FUT8: variants seen among roughly 807,000 people sequenced by gnomAD.
The protein encoded by FUT8 is alpha-(1,6)-fucosyltransferase.
In FUT8, 29 loss-of-function variants were observed where a neutral mutation model predicts 71.3. The observed-to-expected ratio is 0.41, with a 90% CI of 0.30 to 0.55. FUT8 has a LOEUF of 0.55. FUT8 is among the 20% of genes least tolerant of loss of function. FUT8 has a pLI of 0.34. For synonymous variants in FUT8, 254 were observed against 239.3 expected (o/e 1.06, Z -0.57); for missense variants, 544 against 702.1 (o/e 0.77, Z 2.55).
At chr14:65,699,332 A>G (rs1055259049) in intron 7 of FUT8, among the ~76,000 whole-genome samples, 1 of 152,172 alleles carries the variant, frequency 6.6e-6, no homozygotes, top group Non-Finnish European at 1.5e-5. Flanking sequence ...CCAACTCTGG[A>G]GTCTGACTGG....
chr14:65,721,883 G>A lies in FUT8; in HGVS notation c.944G>A (p.Arg315Gln), dbSNP rs976049303. 8 of 1,614,018 alleles carry A rather than the reference G, an allele frequency of 5.0e-6. No individual in the cohort carries two copies. Among genetic ancestry groups the A allele is most frequent in the South Asian group, 2.2e-5 (2 of 91,066 alleles). ...GCTGTACCAGAAGACCTCGCAGATC[G>A]ACTTGTACGAGTGCATGGTGACCCT... Reference protein sequence around the residue: ...PLAVPEDLADRLVRVHGDPAV... With the variant: ...PLAVPEDLADQLVRVHGDPAV... Residue 315 changes from arginine to glutamine, a missense_variant, in exon 8 of 11, where the codon CGA becomes CAA. Coordinates refer to ENST00000673929, the MANE Select transcript of FUT8 (RefSeq NM_001371533.1).
intron 7 of FUT8, among the ~76,000 whole-genome samples, chr14:65,690,726 CTTT>C (rs1010902970): frequency 3.5e-5 from 5 of 141,662 alleles, no homozygotes; most frequent in Admixed American, 7.0e-5. Flanking sequence ...AAACATTTGA[CTTT>C]TTTTTTTTTT....
chr14:65,359,532 A>G, the FUT8 span, among the ~76,000 whole-genome samples: 1 of 151,964 alleles, frequency 6.6e-6, no homozygotes, highest in East Asian at 1.9e-4. Flanking sequence ...GGCAACCGCT[A>G]TTCTACTTTT....
intron 6 of FUT8, among the ~76,000 whole-genome samples, chr14:65,665,980 T>C (rs980348306): frequency 2.0e-5 from 3 of 151,832 alleles, no homozygotes; most frequent in Admixed American, 2.0e-4. Context: ...AACTAATGAG[T>C]ACTAGACTTA....
intron 3 of FUT8, among the ~76,000 whole-genome samples, chr14:65,576,492 C>G (rs1223994141): frequency 1.3e-5 from 2 of 151,856 alleles, no homozygotes; most frequent in Non-Finnish European, 2.9e-5. Flanking sequence ...TATTCTTAGG[C>G]TCTTGTTTTA....
chr14:65,656,546 G>A (rs1891689923), intron 6 of FUT8, among the ~76,000 whole-genome samples: 1 of 152,130 alleles, frequency 6.6e-6, no homozygotes, highest in South Asian at 2.1e-4. Flanking sequence ...TTGTTAAAAT[G>A]TTTATACTAT....
rs1253791682 is a variant in FUT8 at position 65,603,665 on chromosome 14, A to G, written c.204-12313A>G. Among the ~76,000 whole-genome samples, 3 of 151,722 alleles carry G rather than the reference A, an allele frequency of 2.0e-5. 1 individual carries two copies. Among genetic ancestry groups the G allele is most frequent in the Non-Finnish European group, 4.4e-5 (3 of 67,880 alleles). ...GGTTAATCTTGCTAATGCTCTATCA[A>G]TTTTATTTATCTTTTCAAAAGAACA... On this transcript the variant is annotated intron_variant, in intron 3 of 10. Coordinates refer to ENST00000673929, the MANE Select transcript of FUT8 (RefSeq NM_001371533.1). The surrounding 1 kb of genome is among the most constrained non-coding windows in gnomAD (Gnocchi z 4.5).
intron 6 of FUT8, among the ~76,000 whole-genome samples, chr14:65,661,422 A>T (rs888213857): frequency 3.3e-5 from 5 of 152,184 alleles, no homozygotes; most frequent in Non-Finnish European, 7.3e-5. Context: ...ACTAATGGTT[A>T]TTGAGCATTT....
chr14:65,589,645 C>T (rs1179211319), intron 3 of FUT8, among the ~76,000 whole-genome samples: 4 of 151,866 alleles, frequency 2.6e-5, no homozygotes, highest in Non-Finnish European at 5.9e-5. Context: ...GGGGTTTCAC[C>T]GTGTTAGCCA....
chr14:65,373,882 C>G, the FUT8 span, among the ~76,000 whole-genome samples: 3 of 152,238 alleles, frequency 2.0e-5, no homozygotes, highest in Admixed American at 6.5e-5. Context: ...TGCCAGATCT[C>G]CCTCTCCCAG....
In FUT8 at chr14:65,561,684, C is replaced by T. The variant is rs1477241175; in HGVS notation, c.121C>T (p.Arg41Ter). Residue 41 changes from arginine (R) to a stop codon, truncating the protein, a stop_gained, in exon 3 of 11, where the codon CGA becomes TGA. Coordinates refer to ENST00000673929, the MANE Select transcript of FUT8 (RefSeq NM_001371533.1). LOFTEE classifies it high-confidence loss of function. ...RDNDHPDHSSRELSKILAKLE... is the reference protein window; with the variant it reads ...RDNDHPDHSS ...TAATGACCATCCTGATCACTCTAGC[C>T]GAGAACTGTCCAAGATTCTGGCAAA... The T allele has an allele frequency of 5.0e-6, 8 of 1,613,448 alleles. No homozygotes were observed. Among genetic ancestry groups the T allele is most frequent in the Non-Finnish European group, 6.8e-6 (8 of 1,179,602 alleles).
At chr14:65,548,358 A>G (rs1314036800) in intron 2 of FUT8, among the ~76,000 whole-genome samples, 1 of 152,048 alleles carries the variant, frequency 6.6e-6, no homozygotes, top group Non-Finnish European at 1.5e-5. Flanking sequence ...GTCTTCCTTC[A>G]CTTAGCAACA....
chr14:65,653,719 T>A (rs1330698274), intron 6 of FUT8, among the ~76,000 whole-genome samples: 1 of 152,170 alleles, frequency 6.6e-6, no homozygotes, highest in East Asian at 1.9e-4. Flanking sequence ...TATCGTTTGT[T>A]TTGAGCCAAC....
rs534062871 is a variant in FUT8, at chr14:65,715,468, G to T, written c.836-6307G>T. On this transcript the variant is annotated intron_variant, in intron 7 of 10. Coordinates refer to ENST00000673929, the MANE Select transcript of FUT8 (RefSeq NM_001371533.1). The stretch of plus-strand genomic sequence containing the variant: ...GATTGTTTCAGTTTCATTTATTTCT[G>T]CTCTGATCTTTATTCTTCTCTTTTA... Among the ~76,000 whole-genome samples, 14 of 152,172 alleles carry T rather than the reference G, an allele frequency of 9.2e-5. No individual in the cohort carries two copies. The South Asian group carries it at 2.7e-3, about 29-fold the overall frequency.
chr14:65,426,843 A>T (rs1288438162), intron 1 of FUT8, among the ~76,000 whole-genome samples: 1 of 152,144 alleles, frequency 6.6e-6, no homozygotes, highest in Admixed American at 6.5e-5. Context: ...GCACACACAC[A>T]TGCACACATA....
In FUT8 at chr14:65,669,502, T is replaced by C. The variant is rs1892375944; in HGVS notation, c.835+22T>C. The C allele has an allele frequency of 1.3e-6, 2 of 1,523,706 alleles. No homozygotes were observed. Among genetic ancestry groups the C allele is most frequent in the East Asian group, 4.5e-5 (2 of 44,416 alleles). The allele number at this position is 1,523,706 out of a possible 1,614,324, so 94.4% of individuals were successfully genotyped here. A position where few individuals can be genotyped will look rare whatever the true frequency, so the allele number is the denominator to read the frequency against. On this transcript the variant is annotated intron_variant, in intron 7 of 10. Transcript: ENST00000673929. The surrounding 1 kb of genome is among the most constrained non-coding windows in gnomAD (Gnocchi z 4.5). ...TCAGGTAAGGAGCTTGTGCAGCATA[T>C]GAGATCTCTGGGCTGTTTCACTCAA... is the stretch of plus-strand genomic sequence containing the variant.
chr14:65,735,901 C>T (rs1458397155), intron 10 of FUT8, among the ~76,000 whole-genome samples: 1 of 152,108 alleles, frequency 6.6e-6, no homozygotes, highest in African/African-American at 2.4e-5. Context: ...GATTCCTTTA[C>T]ATAAACCAAA....
the FUT8 span, among the ~76,000 whole-genome samples, chr14:65,401,145 C>A: frequency 6.6e-6 from 1 of 152,060 alleles, no homozygotes; most frequent in Non-Finnish European, 1.5e-5. Flanking sequence ...AAACAACACA[C>A]GGGGGAATTT....
In FUT8 at chr14:65,627,287, C is replaced by T. The variant is rs916357783; in HGVS notation, c.483-2205C>T. 1.3e-5 allele frequency among the ~76,000 whole-genome samples: 2 copies of T among 151,864 alleles called. No homozygotes were observed. Among genetic ancestry groups the T allele is most frequent in the African/African-American group, 4.8e-5 (2 of 41,342 alleles). On this transcript the variant is annotated intron_variant, in intron 5 of 10. Transcript: ENST00000673929. The surrounding 1 kb of genome is among the most constrained non-coding windows in gnomAD (Gnocchi z 4.0). The stretch of plus-strand genomic sequence containing the variant: ...GAGTGTTAGCAGCAGTGAATCCATA[C>T]GGGCCTGCAGCAGCTCGATTCTTGC...
Sources: allele counts gnomAD v4.1 joint callset (sites outside exome capture counted in the v4.1 genomes callset), GRCh38; gene constraint gnomAD v4.1.1; non-coding constraint Gnocchi (gnomAD v3.1); transcripts MANE v1.5; gene names NCBI Gene and HGNC (gene_info 2026-07-23, HGNC 2026-07-21).